JAG1: variants seen among roughly 807,000 people sequenced by gnomAD.
The protein encoded by JAG1 is protein jagged-1.
In JAG1, 23 loss-of-function variants were observed where a neutral mutation model predicts 148.7. That is an observed-to-expected ratio of 0.15 (90% confidence interval 0.11 to 0.22). JAG1 has a LOEUF of 0.22. JAG1 is among the 10% of genes least tolerant of loss of function. JAG1 has a pLI of 1.00. For missense variants in JAG1, 1,054 were observed against 1,611.2 expected, an observed-to-expected ratio of 0.65 and a Z score of 5.92; for synonymous variants, 572 against 598.3, an observed-to-expected ratio of 0.96 and a Z score of 0.64.
At chr20:10,669,370 C>T (rs1387467543) in intron 2 of JAG1, among the ~76,000 whole-genome samples, 1 of 151,456 alleles carries the variant, frequency 6.6e-6, no homozygotes, top group African/African-American at 2.4e-5. Context: ...TCCATGTGCC[C>T]ACACCATATC....
Position 10,673,964 on chromosome 20 carries a change from GC to G in JAG1, c.-435del, listed in dbSNP as rs1382052495. 6.6e-6 allele frequency: 1 copy of G among 152,072 alleles called. No homozygotes were observed. The highest frequency in any genetic ancestry group is 1.5e-5 in the Non-Finnish European group (1 of 68,108). The allele number at this position is 152,072 out of a possible 1,614,324, so 9.4% of individuals were successfully genotyped here. On this transcript the variant is annotated 5_prime_UTR_variant, in exon 1 of 26. Coordinates refer to ENST00000254958, the MANE Select transcript of JAG1 (RefSeq NM_000214.3). This position sits in a 1 kb window ranked among gnomAD's most constrained non-coding sequence, Gnocchi z 4.7. ...GCAGGTAACACAATGACGCGTGCCC[GC>G]CCGGCTCTCGGAGAAGGACCCGGAG...
Position 10,641,471 on chromosome 20 carries a change from T to C in JAG1, c.2905A>G (p.Met969Val), listed in dbSNP as rs1568791931. 1.2e-6 allele frequency: 2 copies of C among 1,613,224 alleles called. No individual in the cohort carries two copies. The highest frequency in any genetic ancestry group is 1.7e-6 in the Non-Finnish European group (2 of 1,179,432). ...ANITFTFNKE[M>V]MSPGLTTEHI... is the part of the protein sequence containing the mutation. ...AGGTTGTTACATACTGGTGACATCA[T>C]CTCCTTGTTAAAGGTAAATGTGATG... Residue 969 changes from methionine to valine, a missense_variant, in exon 23 of 26, where the codon ATG (methionine) becomes GTG (valine). This residue lies in a region of JAG1 where 342 missense variants were observed against 514.6 expected (regional missense o/e 0.66). Coordinates refer to ENST00000254958, the MANE Select transcript of JAG1 (RefSeq NM_000214.3).
intron 2 of JAG1, among the ~76,000 whole-genome samples, chr20:10,671,949 C>G (rs2067498238): frequency 6.6e-6 from 1 of 152,002 alleles, no homozygotes; most frequent in Admixed American, 6.5e-5. Flanking sequence ...CTTGCGGGGG[C>G]CGTGCACCCG....
At chr20:10,641,759 A>G in intron 22 of JAG1, 24 bp downstream of exon 22, 1 of 1,609,576 alleles carries the variant, frequency 6.2e-7, no homozygotes, top group Non-Finnish European at 8.5e-7. Context: ...ACACAGGTGA[A>G]CTGCGGCAGC....
At chr20:10,640,956 T>A in intron 24 of JAG1, 23 bp from the exon 25 acceptor site, 1 of 1,613,784 alleles carries the variant, frequency 6.2e-7, no homozygotes, top group Middle Eastern at 1.6e-4. Flanking sequence ...TTGTCAGACT[T>A]GAGAGTCAGA....
At position 10,638,527 on chromosome 20, in the gene JAG1, A is replaced by C. The variant is rs2067247726; in HGVS notation, c.*971T>G. ...TTTCAAGTCTAAAGCAGAAAAACAA[A>C]AAACAAACAAACAAAAAAACCTGTT... On this transcript the variant is annotated 3_prime_UTR_variant, in exon 26 of 26. Coordinates refer to ENST00000254958, the MANE Select transcript of JAG1 (RefSeq NM_000214.3). 1 of 152,668 alleles carries C rather than the reference A, an allele frequency of 6.6e-6. No homozygotes were observed. Among genetic ancestry groups the C allele is most frequent in the African/African-American group, 2.4e-5 (1 of 41,450 alleles). 9.5% of individuals were successfully genotyped at this position (152,668 alleles called of 1,614,324 possible). A position where few individuals can be genotyped will look rare whatever the true frequency, so the allele number is the denominator to read the frequency against.
At chr20:10,668,527 C>T (rs1442475702) in intron 2 of JAG1, among the ~76,000 whole-genome samples, 1 of 152,172 alleles carries the variant, frequency 6.6e-6, no homozygotes, top group Non-Finnish European at 1.5e-5. Flanking sequence ...TACATTGTCA[C>T]TAACCTTGAA....
chr20:10,672,671 GCCCGGCCTCCTT>G lies in JAG1; in HGVS notation c.387+18_387+29del. On this transcript the variant is annotated intron_variant, in intron 2 of 25. Coordinates refer to ENST00000254958, the MANE Select transcript of JAG1 (RefSeq NM_000214.3). ...CGGCCAGGCGCGGGTGTGAGGCTCC[GCCCGGCCTCCTT>G]CCCGAGTAGTCACTCACCGGCCAGG... 1 of 1,608,070 alleles carries G rather than the reference GCCCGGCCTCCTT, an allele frequency of 6.2e-7. No homozygotes were observed. Among genetic ancestry groups the G allele is most frequent in the Non-Finnish European group, 8.5e-7 (1 of 1,178,132 alleles).
rs1366384981 is a variant in JAG1 at position 10,644,399 on chromosome 20, CAACTT to C, written c.2345-20_2345-16del. On this transcript the variant is annotated splice_polypyrimidine_tract_variant and intron_variant, in intron 18 of 25. Transcript: ENST00000254958. ...GTCATTGGTATCTGCAAAGAAAAGA[CAACTT>C]AATAGTGAGGACTTCAACAGGGAAA... is the stretch of plus-strand genomic sequence containing the variant. 4 of 1,611,062 alleles carry C rather than the reference CAACTT, an allele frequency of 2.5e-6. No homozygotes were observed. Among genetic ancestry groups the C allele is most frequent in the East Asian group, 4.5e-5 (2 of 44,888 alleles).
At chr20:10,653,610 A>C (rs56411469) in intron 5 of JAG1, among the ~76,000 whole-genome samples, 10,517 of 132,364 alleles carry the variant, frequency 0.079, 476 homozygotes, top group African/African-American at 0.091. Flanking sequence ...TGCGGGTGGG[A>C]TGGGCAACAT....
rs774998357 is a variant in JAG1, at chr20:10,650,296, T to A, written c.1185A>T (p.Gly395=). ...ACTGTGGGGGGCACACACACTTAAA[T>A]CCGTTAACCAGGTCCTGGCAGGTGC... ...HGGTCQDLVN[G]FKCVCPPQWT... The change falls in exon 9 of 26, where the codon GGA becomes GGT. Residue 395 remains glycine, a synonymous_variant. Transcript: ENST00000254958. 2.5e-6 allele frequency: 4 copies of A among 1,614,078 alleles called. No homozygotes were observed. The East Asian group carries it at 6.7e-5, about 27-fold the overall frequency.
chr20:10,642,260 C>A (rs1160695743), intron 21 of JAG1, among the ~76,000 whole-genome samples: 1 of 152,208 alleles, frequency 6.6e-6, no homozygotes, highest in East Asian at 1.9e-4. Context: ...ATGCTTGCTG[C>A]AAGCCACAGC....
Position 10,656,443 on chromosome 20 carries a change from C to A in JAG1, c.710G>T (p.Gly237Val), listed in dbSNP as rs1449394318. The A allele has an allele frequency of 6.2e-7, 1 of 1,614,020 alleles. No individual in the cohort carries two copies. The highest frequency in any genetic ancestry group is 2.2e-5 in the East Asian group (1 of 44,888). Residue 237 changes from glycine (G) to valine (V), a missense_variant, in exon 5 of 26, where the codon GGC (glycine) becomes GTC (valine). By Grantham distance (109) the Gly-to-Val change is moderately radical. Coordinates refer to ENST00000254958, the MANE Select transcript of JAG1 (RefSeq NM_000214.3). The stretch of plus-strand genomic sequence containing the variant: ...GCAAGACCCATGCTTAGGACTGCAG[C>A]CTTGTCGGCAAATAGCTGTAAAAAA... Reference protein sequence around the residue: ...PECNRAICRQGCSPKHGSCKL... With the variant: ...PECNRAICRQVCSPKHGSCKL...
intron 12 of JAG1, among the ~76,000 whole-genome samples, 157 bp downstream of exon 12, chr20:10,648,392 C>T (rs1022995206): frequency 2.6e-5 from 4 of 152,158 alleles, no homozygotes; most frequent in Non-Finnish European, 1.5e-5. Context: ...TATCTCCTTC[C>T]ACCAGCATTT....
At position 10,673,249 on chromosome 20, in the gene JAG1, G is replaced by A. The variant is rs1417021330; in HGVS notation, c.81+201C>T. Among the ~76,000 whole-genome samples the A allele has an allele frequency of 6.6e-6, 1 of 152,068 alleles. No homozygotes were observed. The highest frequency in any genetic ancestry group is 2.4e-5 in the African/African-American group (1 of 41,422). On this transcript the variant is annotated intron_variant, in intron 1 of 25. Transcript: ENST00000254958. This position sits in a 1 kb window ranked among gnomAD's most constrained non-coding sequence, Gnocchi z 4.7. ...CAGCGGAGCGAACGCGCCCCTGTCC[G>A]GCCTGGAGGGGTCACCCTCAGGAGG...
rs1458005716 is a variant in JAG1 at position 10,656,389 on chromosome 20, T to C, written c.755+9A>G. ...TAAAAGAAATCTCACAAAAGACCAGTTGATTTACCTGCAGTCACCTGGGAG... is the reference window on the plus strand; with the variant it reads ...TAAAAGAAATCTCACAAAAGACCAGCTGATTTACCTGCAGTCACCTGGGAG... On this transcript the variant is annotated intron_variant, in intron 5 of 25. Coordinates refer to ENST00000254958, the MANE Select transcript of JAG1 (RefSeq NM_000214.3). 6.2e-7 allele frequency: 1 copy of C among 1,608,554 alleles called. No homozygotes were observed. The highest frequency in any genetic ancestry group is 8.5e-7 in the Non-Finnish European group (1 of 1,174,952).
chr20:10,651,276 T>A (rs148626327), intron 8 of JAG1: 2 of 344,244 alleles, frequency 5.8e-6, no homozygotes, highest in Admixed American at 8.2e-5. Context: ...AGCCTCTCCA[T>A]GGCTGCAAGA....
intron 5 of JAG1, 186 bp from the exon 6 acceptor site, chr20:10,652,784 TC>T: frequency 1.8e-6 from 1 of 546,818 alleles, no homozygotes; most frequent in Non-Finnish European, 3.2e-6. Flanking sequence ...TGAGGTCCCC[TC>T]CCAGCCGACT....
intron 2 of JAG1, among the ~76,000 whole-genome samples, chr20:10,672,249 G>A (rs1568806668): frequency 6.6e-6 from 1 of 152,182 alleles, no homozygotes; most frequent in Non-Finnish European, 1.5e-5. Flanking sequence ...CCGCCCTCCC[G>A]GCCGTTCACG....
Sources: gnomAD v4.1 joint callset for allele counts (sites outside exome capture counted in the v4.1 genomes callset) on GRCh38, gnomAD v4.1.1 for gene constraint, gnomAD v4.1.1 regional missense constraint, Gnocchi (gnomAD v3.1) non-coding constraint, MANE v1.5 for transcripts, NCBI Gene and HGNC (gene_info 2026-07-23, HGNC 2026-07-21) for gene names.